Variants in KATNIP observed in about 807,000 individuals in gnomAD.
KATNIP encodes katanin interacting protein, also known as katanin-interacting protein.
KATNIP carries 126 observed loss-of-function variants against 174.0 expected under a neutral mutation model. That is an observed-to-expected ratio of 0.72 (90% CI 0.63 to 0.84). The LOEUF (loss-of-function observed/expected upper bound fraction) is 0.84, where lower values mean the gene tolerates loss of function less well. Among genes scored for constraint, KATNIP ranks in the 40% least tolerant of loss-of-function variants. The pLI, the probability that KATNIP is intolerant of heterozygous loss-of-function variation, is 0.00. For missense variants in KATNIP, 1,958 were observed against 2,109.7 expected, an observed-to-expected ratio of 0.93 and a Z score of 1.41; for synonymous variants, 810 against 835.7, an observed-to-expected ratio of 0.97 and a Z score of 0.53.
chr16:27,751,308 G>A (rs1281432322), intron 16 of KATNIP, among the ~76,000 whole-genome samples: 4 of 152,090 alleles, frequency 2.6e-5, no homozygotes, highest in South Asian at 2.1e-4. Flanking sequence ...GGAGCAGGGC[G>A]TTAGAACCCC....
intron 2 of KATNIP, among the ~76,000 whole-genome samples, chr16:27,615,650 G>A (rs1261730347): frequency 6.6e-6 from 1 of 152,058 alleles, no homozygotes; most frequent in Non-Finnish European, 1.5e-5. Context: ...CACTGTGCCC[G>A]GCCTGTAGTG....
Position 27,701,711 on chromosome 16 carries a change from A to G in KATNIP, c.1286+16A>G. 1.3e-6 allele frequency: 2 copies of G among 1,561,218 alleles called. No homozygotes were observed. Among genetic ancestry groups the G allele is most frequent in the Non-Finnish European group, 8.7e-7 (1 of 1,144,952 alleles). On this transcript the variant is annotated intron_variant, in intron 11 of 27. Transcript: ENST00000261588. ...TGGGAAGCAGGTACTACTAAGGCTG[A>G]GGCCAAACCCGAAACCCCTTAGCAG... is the stretch of plus-strand genomic sequence containing the variant.
intron 18 of KATNIP, among the ~76,000 whole-genome samples, chr16:27,760,270 T>C (rs2081902160): frequency 6.6e-6 from 1 of 152,132 alleles, no homozygotes; most frequent in South Asian, 2.1e-4. Context: ...TGCTAAAATA[T>C]GCGGCAAATT....
chr16:27,728,786 C>G (rs2143188158), intron 14 of KATNIP, among the ~76,000 whole-genome samples: 1 of 152,322 alleles, frequency 6.6e-6, no homozygotes, highest in Middle Eastern at 3.4e-3. Flanking sequence ...CAGAGCCAGG[C>G]TCTACTCCTA....
At chr16:27,716,817 T>C (rs1204821831) in intron 13 of KATNIP, among the ~76,000 whole-genome samples, 1 of 152,044 alleles carries the variant, frequency 6.6e-6, no homozygotes, top group African/African-American at 2.4e-5. Context: ...GTTTCAAGAA[T>C]GCTACGTAAA....
At chr16:27,579,717 G>A (rs967624990) in intron 2 of KATNIP, among the ~76,000 whole-genome samples, 3 of 152,020 alleles carry the variant, frequency 2.0e-5, no homozygotes, top group South Asian at 2.1e-4. Context: ...ACGGAAGGCC[G>A]TTTTTGCAGT....
chr16:27,722,009 A>C (rs750125808), intron 14 of KATNIP, among the ~76,000 whole-genome samples: 5 of 152,244 alleles, frequency 3.3e-5, no homozygotes, highest in East Asian at 1.9e-4. Flanking sequence ...AGTCACAGCC[A>C]GTCAGTGTCA....
intron 14 of KATNIP, 104 bp downstream of exon 14, chr16:27,721,799 G>A (rs913896635): frequency 7.8e-7 from 1 of 1,289,414 alleles, no homozygotes; most frequent in Non-Finnish European, 1.1e-6. Flanking sequence ...ATACACGGAA[G>A]CCCTGCTGGC....
chr16:27,556,926 A>T (rs1010000376), intron 1 of KATNIP, among the ~76,000 whole-genome samples: 1 of 151,962 alleles, frequency 6.6e-6, no homozygotes, highest in African/African-American at 2.4e-5. Context: ...TTTCTCTCAG[A>T]TTTTTTCAGA....
intron 5 of KATNIP, among the ~76,000 whole-genome samples, chr16:27,641,471 C>T (rs2076796302): frequency 6.6e-6 from 1 of 152,116 alleles, no homozygotes; most frequent in African/African-American, 2.4e-5. Context: ...ATTGGCTAGG[C>T]CTGGGTCACG....
intron 6 of KATNIP, among the ~76,000 whole-genome samples, chr16:27,661,662 G>A (rs1334171046): frequency 6.6e-6 from 1 of 151,648 alleles, no homozygotes. Flanking sequence ...CAAAGTGCTG[G>A]GATTACAGGC....
Position 27,721,667 on chromosome 16 carries a change from A to C in KATNIP, c.1715A>C (p.Lys572Thr). The change falls in exon 14 of 28, where the codon AAG (lysine) becomes ACG (threonine). Residue 572 changes from lysine (K) to threonine (T), a missense_variant. By Grantham distance (78) the Lys-to-Thr change is moderately conservative. Coordinates refer to ENST00000261588, the MANE Select transcript of KATNIP (RefSeq NM_015202.5). ...GGGGACTTCCATCTGGCCAAGATCA[A>C]GGTTCGGAATTACTGGACAGCTGAT... ...QLGDFHLAKIKVRNYWTADGD... is the reference protein window; with the variant it reads ...QLGDFHLAKITVRNYWTADGD... The C allele has an allele frequency of 6.2e-7, 1 of 1,614,138 alleles. No individual in the cohort carries two copies.
At chr16:27,709,016 A>G (rs1195702091) in intron 13 of KATNIP, 96 bp downstream of exon 13, 3 of 1,019,024 alleles carry the variant, frequency 2.9e-6, no homozygotes, top group Admixed American at 4.5e-5. Flanking sequence ...GAGTGGAGGG[A>G]GGGGAAGAAC....
rs1567375653 is a variant in KATNIP, at chr16:27,740,210, A to G, written c.1913A>G (p.Glu638Gly). 6.2e-7 allele frequency: 1 copy of G among 1,614,222 alleles called. No homozygotes were observed. The highest frequency in any genetic ancestry group is 1.1e-5 in the South Asian group (1 of 91,080). Reference protein sequence around the residue: ...QLEEAMNAHSEESKGTHEMAG... With the variant: ...QLEEAMNAHSGESKGTHEMAG... ...GAGGAGGCCATGAACGCTCACTCGG[A>G]AGAAAGCAAAGGCACCCATGAGATG... Residue 638 changes from glutamate to glycine, a missense_variant, in exon 15 of 28, where the codon GAA (glutamate) becomes GGA (glycine). Glu to Gly is a moderately conservative substitution (Grantham distance 98). Coordinates refer to ENST00000261588, the MANE Select transcript of KATNIP (RefSeq NM_015202.5).
intron 6 of KATNIP, among the ~76,000 whole-genome samples, chr16:27,656,067 G>A (rs935311394): frequency 6.6e-6 from 1 of 152,114 alleles, no homozygotes; most frequent in East Asian, 1.9e-4. Context: ...ATCCAGTGAG[G>A]AAACAGCCAG....
At chr16:27,642,347 G>C (rs1284857716) in intron 5 of KATNIP, among the ~76,000 whole-genome samples, 1 of 152,178 alleles carries the variant, frequency 6.6e-6, no homozygotes, top group East Asian at 1.9e-4. Flanking sequence ...TCACTCATAG[G>C]TGGGAATTGA....
At chr16:27,729,873 C>T (rs939339636) in intron 14 of KATNIP, among the ~76,000 whole-genome samples, 1 of 152,212 alleles carries the variant, frequency 6.6e-6, no homozygotes, top group Admixed American at 6.5e-5. Context: ...CAATCCAGCT[C>T]GTCCCTCCCC....
chr16:27,624,676 C>T (rs371762339), intron 3 of KATNIP, among the ~76,000 whole-genome samples: 1 of 151,928 alleles, frequency 6.6e-6, no homozygotes, highest in Non-Finnish European at 1.5e-5. Flanking sequence ...AAAAATTAGC[C>T]GGGTGTGGTG....
chr16:27,697,497 C>T (rs567962023), intron 8 of KATNIP, among the ~76,000 whole-genome samples: 7 of 151,870 alleles, frequency 4.6e-5, no homozygotes, highest in Non-Finnish European at 8.8e-5. Flanking sequence ...AGTACACTGA[C>T]GCTTCCACCC....
Sources: allele counts gnomAD v4.1 joint callset (sites outside exome capture counted in the v4.1 genomes callset), GRCh38; gene constraint gnomAD v4.1.1; transcripts MANE v1.5; gene names NCBI Gene and HGNC (gene_info 2026-07-23, HGNC 2026-07-21).